ITGA2: variants seen among roughly 807,000 people sequenced by gnomAD.
The protein encoded by ITGA2 is integrin alpha-2.
Under a neutral mutation model 146.3 loss-of-function variants are expected in ITGA2, and 101 were observed. That is an observed-to-expected ratio of 0.69 (90% CI 0.59 to 0.81). The LOEUF is 0.81. ITGA2 is among the 40% of genes least tolerant of loss of function. The pLI is 0.00. For missense variants in ITGA2, 1,281 were observed against 1,402.7 expected, an observed-to-expected ratio of 0.91 and a Z score of 1.39; for synonymous variants, 477 against 487.1, an observed-to-expected ratio of 0.98 and a Z score of 0.27.
rs886060666 is a variant in ITGA2 at position 53,091,029 on chromosome 5, G to C, written c.*430G>C. 63 of 379,298 alleles carry C rather than the reference G, an allele frequency of 1.7e-4. No homozygotes were observed. The highest frequency in any genetic ancestry group is 2.9e-4 in the Non-Finnish European group (61 of 212,226). The allele number at this position is 379,298 out of a possible 1,614,324, so 23.5% of individuals were successfully genotyped here. A position where few individuals can be genotyped will look rare whatever the true frequency, so the allele number is the denominator to read the frequency against. On this transcript the variant is annotated 3_prime_UTR_variant, in exon 30 of 30. Coordinates refer to ENST00000296585, the MANE Select transcript of ITGA2 (RefSeq NM_002203.4). ...CTACAGAAGTGGAAGTGCTTGATAT[G>C]TAAGTACTTCCACTTGTGTATATTT...
Position 53,056,159 on chromosome 5 carries a change from A to AT in ITGA2, c.1096+11dup, listed in dbSNP as rs570925083. The stretch of plus-strand genomic sequence containing the variant: ...ATTTTCAGCATTGAAGGTAAAAAAA[A>AT]TAACCTCCTTTCAAGAATTTTCTTC... On this transcript the variant is annotated intron_variant, in intron 9 of 29. Coordinates refer to ENST00000296585, the MANE Select transcript of ITGA2 (RefSeq NM_002203.4). The AT allele has an allele frequency of 1.7e-3, 2,668 of 1,608,866 alleles. 31 individuals carry two copies. The African/African-American group carries it at 0.026, about 15-fold the overall frequency.
chr5:53,046,920 A>G (rs1744119943), intron 4 of ITGA2, among the ~76,000 whole-genome samples: 1 of 152,122 alleles, frequency 6.6e-6, no homozygotes, highest in Non-Finnish European at 1.5e-5. Flanking sequence ...TGCTTTTAAA[A>G]CAAAAAAAAA....
Position 53,039,692 on chromosome 5 carries a change from A to G in ITGA2, c.186-2420A>G, listed in dbSNP as rs545629042. 4.4e-5 allele frequency among the ~76,000 whole-genome samples: 6 copies of G among 135,846 alleles called. No individual in the cohort carries two copies. The East Asian group carries it at 1.2e-3, about 28-fold the overall frequency. 89.1% of individuals were successfully genotyped at this position (135,846 alleles called of 152,430 possible). On this transcript the variant is annotated intron_variant, in intron 2 of 29. Coordinates refer to ENST00000296585, the MANE Select transcript of ITGA2 (RefSeq NM_002203.4). Reference sequence around the variant, plus strand: ...GAGGTGGAGGTTGCAGTGAACCAAGATGGTGCCACTGCACTCTAGCCTAGG... The same window carrying G: ...GAGGTGGAGGTTGCAGTGAACCAAGGTGGTGCCACTGCACTCTAGCCTAGG...
At chr5:53,018,960 A>G (rs543203386) in intron 1 of ITGA2, among the ~76,000 whole-genome samples, 1 of 152,086 alleles carries the variant, frequency 6.6e-6, no homozygotes, top group African/African-American at 2.4e-5. Flanking sequence ...GCTACTCAGG[A>G]GGCTGAGATA....
chr5:52,991,578 G>C (rs1192621512), intron 1 of ITGA2, among the ~76,000 whole-genome samples: 1 of 151,968 alleles, frequency 6.6e-6, no homozygotes, highest in African/African-American at 2.4e-5. Flanking sequence ...AATATGCCGT[G>C]TTATGTATAT....
intron 16 of ITGA2, among the ~76,000 whole-genome samples, 181 bp from the exon 17 acceptor site, chr5:53,069,928 C>T (rs980367954): frequency 2.6e-5 from 4 of 151,888 alleles, no homozygotes; most frequent in Non-Finnish European, 5.9e-5. Flanking sequence ...TACGTCACAT[C>T]AGAGCTAGAA....
At position 53,055,896 on chromosome 5, in the gene ITGA2, G is replaced by T; in HGVS notation, c.931-88G>T. On this transcript the variant is annotated intron_variant, in intron 8 of 29. Transcript: ENST00000296585. ...GTTGCTTGATTTACTTTTCCAGAGG[G>T]AATATTGTGTTCAAAATAGGCTAGA... The T allele has an allele frequency of 2.2e-6, 3 of 1,360,390 alleles. No individual in the cohort carries two copies. In the South Asian group the frequency reaches 3.6e-5, roughly 17 times the overall value. 84.3% of individuals were successfully genotyped at this position (1,360,390 alleles called of 1,614,324 possible).
chr5:53,045,165 T>C (rs1398871637), intron 4 of ITGA2, 73 bp downstream of exon 4: 21 of 1,123,282 alleles, frequency 1.9e-5, no homozygotes. Flanking sequence ...TCACCATCCC[T>C]CCCAATCTGA....
intron 1 of ITGA2, among the ~76,000 whole-genome samples, chr5:52,996,655 C>T (rs1164566280): frequency 6.6e-6 from 1 of 152,198 alleles, no homozygotes; most frequent in East Asian, 1.9e-4. Context: ...CATCTTTTCA[C>T]ACTAATGCAG....
intron 1 of ITGA2, among the ~76,000 whole-genome samples, chr5:53,024,789 G>A (rs1742861080): frequency 6.6e-6 from 1 of 152,210 alleles, no homozygotes; most frequent in Admixed American, 6.5e-5. Flanking sequence ...CACAGGGAGG[G>A]AGGACGAGAG....
intron 25 of ITGA2, among the ~76,000 whole-genome samples, chr5:53,080,885 C>T (rs978785438): frequency 6.6e-6 from 1 of 152,070 alleles, no homozygotes; most frequent in African/African-American, 2.4e-5. Flanking sequence ...CTTTGACAGG[C>T]CCTGTGAAGG....
intron 26 of ITGA2, 28 bp from the exon 27 acceptor site, chr5:53,083,312 T>C (rs751855494): frequency 7.2e-7 from 1 of 1,390,108 alleles, no homozygotes; most frequent in Non-Finnish European, 1.0e-6. Flanking sequence ...ACTTGCTCTC[T>C]CTTTTACCTT....
intron 20 of ITGA2, among the ~76,000 whole-genome samples, chr5:53,073,510 T>C (rs1185156373): frequency 6.6e-6 from 1 of 151,844 alleles, no homozygotes; most frequent in South Asian, 2.1e-4. Flanking sequence ...CTCCCATAAC[T>C]CTTCTTGAGC....
chr5:53,081,129 C>A (rs1579904202), intron 25 of ITGA2, among the ~76,000 whole-genome samples: 1 of 152,102 alleles, frequency 6.6e-6, no homozygotes. Context: ...TCTTTAACCA[C>A]CCCCACTCCA....
chr5:53,064,853 T>C, intron 13 of ITGA2, 59 bp from the exon 14 acceptor site: 1 of 1,541,376 alleles, frequency 6.5e-7, no homozygotes, highest in Non-Finnish European at 9.0e-7. Context: ...CTGCTCTGAA[T>C]TTTAATTATA....
intron 1 of ITGA2, among the ~76,000 whole-genome samples, chr5:52,994,510 T>G (rs1214998429): frequency 6.6e-6 from 1 of 152,242 alleles, no homozygotes; most frequent in Non-Finnish European, 1.5e-5. Context: ...AAAAGAATTT[T>G]CATTCCTAAG....
chr5:53,013,836 C>G (rs1742273208), intron 1 of ITGA2, among the ~76,000 whole-genome samples: 1 of 151,940 alleles, frequency 6.6e-6, no homozygotes, highest in Non-Finnish European at 1.5e-5. Context: ...GTTATCTGTA[C>G]TCCTAGGTAT....
chr5:53,011,368 G>A (rs1227400624), intron 1 of ITGA2, among the ~76,000 whole-genome samples: 1 of 152,096 alleles, frequency 6.6e-6, no homozygotes, highest in East Asian at 1.9e-4. Flanking sequence ...CCAAGGTGTG[G>A]TGAGATCAGA....
At chr5:53,015,420 G>T (rs911969394) in intron 1 of ITGA2, among the ~76,000 whole-genome samples, 1 of 151,872 alleles carries the variant, frequency 6.6e-6, no homozygotes, top group Non-Finnish European at 1.5e-5. Flanking sequence ...AATCTTCTCA[G>T]TATTGATTTC....
Sources: gnomAD v4.1 joint callset for allele counts (sites outside exome capture counted in the v4.1 genomes callset) on GRCh38, gnomAD v4.1.1 for gene constraint, MANE v1.5 for transcripts, NCBI Gene and HGNC (gene_info 2026-07-23, HGNC 2026-07-21) for gene names.